SH3BGR: variants seen among roughly 807,000 people sequenced by gnomAD.
The protein encoded by SH3BGR is SH3 domain binding glutamate rich protein, also known as SH3 domain-binding glutamic acid-rich protein.
In SH3BGR, 29 loss-of-function variants were observed where a neutral mutation model predicts 24.5. The observed-to-expected ratio is 1.18, with a 90% CI of 0.88 to 1.61. SH3BGR has a LOEUF of 1.61. SH3BGR is among the 40% of genes most tolerant of loss of function. The pLI is 0.00. For missense variants in SH3BGR, 162 were observed against 205.8 expected (o/e 0.79, Z 1.30); for synonymous variants, 55 against 65.7 (o/e 0.84, Z 0.79).
chr21:39,478,330 C>T (rs1032859252), intron 3 of SH3BGR, among the ~76,000 whole-genome samples: 4 of 152,128 alleles, frequency 2.6e-5, no homozygotes, highest in Non-Finnish European at 5.9e-5. Flanking sequence ...ACCTCAGAAC[C>T]GGGAAGGTGC....
In SH3BGR at chr21:39,496,555, T is replaced by G. The variant is rs548262318; in HGVS notation, c.313-3268T>G. On this transcript the variant is annotated intron_variant, in intron 3 of 6. Transcript: ENST00000333634. ...TTATCTTTATTTGCATATGATATAA[T>G]TGCATGCCTAAAAATCTTTAAAATT... is the stretch of plus-strand genomic sequence containing the variant. Among the ~76,000 whole-genome samples, 4 of 151,436 alleles carry G rather than the reference T, an allele frequency of 2.6e-5. No homozygotes were observed. The East Asian group carries it at 7.7e-4, about 29-fold the overall frequency.
intron 3 of SH3BGR, among the ~76,000 whole-genome samples, chr21:39,480,633 A>G (rs1040634421): frequency 3.9e-5 from 6 of 152,232 alleles, no homozygotes; most frequent in African/African-American, 1.4e-4. Flanking sequence ...CGTTTTGGCT[A>G]TCATGAATAC....
At chr21:39,492,190 G>A (rs1201335867) in intron 3 of SH3BGR, among the ~76,000 whole-genome samples, 1 of 151,944 alleles carries the variant, frequency 6.6e-6, no homozygotes, top group Non-Finnish European at 1.5e-5. Context: ...CCCAAGCAGT[G>A]TACACTGCAC....
At position 39,491,812 on chromosome 21, in the gene SH3BGR, A is replaced by G. The variant is rs529004513; in HGVS notation, c.313-8011A>G. On this transcript the variant is annotated intron_variant, in intron 3 of 6. Transcript: ENST00000333634. ...TCTTAATGGCCTTGTTCTTGGGCAC[A>G]CATCAGGTATAGTTCGTGCAGCAAA... The G allele has an allele frequency of 3.0e-5, 6 of 198,036 alleles. No homozygotes were observed. In the East Asian group the frequency reaches 7.1e-4, roughly 23 times the overall value. The allele number at this position is 198,036 out of a possible 1,614,324, so 12.3% of individuals were successfully genotyped here.
intron 4 of SH3BGR, among the ~76,000 whole-genome samples, chr21:39,500,314 A>T (rs1239660238): frequency 6.6e-6 from 1 of 152,142 alleles, no homozygotes. Flanking sequence ...AAGGGAGTGC[A>T]GTATATCTGG....
At chr21:39,462,051 G>A (rs1052387824) in intron 1 of SH3BGR, among the ~76,000 whole-genome samples, 1 of 152,032 alleles carries the variant, frequency 6.6e-6, no homozygotes, top group African/African-American at 2.4e-5. Context: ...GTTTCACCAC[G>A]TTGGTCAAGC....
intron 5 of SH3BGR, among the ~76,000 whole-genome samples, chr21:39,510,478 C>CAT (rs2078667757): frequency 1.4e-5 from 2 of 147,452 alleles, no homozygotes. Context: ...CACACACACA[C>CAT]ACCCCATCAA....
At chr21:39,472,858 C>G (rs2077964282) in intron 2 of SH3BGR, among the ~76,000 whole-genome samples, 1 of 152,110 alleles carries the variant, frequency 6.6e-6, no homozygotes, top group Non-Finnish European at 1.5e-5. Flanking sequence ...CCCCTTTTTC[C>G]TCTTCAGTGT....
At chr21:39,476,464 A>G (rs140757396) in intron 3 of SH3BGR, among the ~76,000 whole-genome samples, 5 of 152,310 alleles carry the variant, frequency 3.3e-5, no homozygotes, top group Non-Finnish European at 5.9e-5. Flanking sequence ...CTATGCATAG[A>G]CAATTATTTT....
chr21:39,513,198 C>T (rs920559213), intron 6 of SH3BGR, among the ~76,000 whole-genome samples: 1 of 152,142 alleles, frequency 6.6e-6, no homozygotes, highest in Non-Finnish European at 1.5e-5. Context: ...TTTAAAATTA[C>T]AAGGCAGCAA....
chr21:39,469,220 C>A (rs111628052), intron 2 of SH3BGR, among the ~76,000 whole-genome samples: 1 of 151,042 alleles, frequency 6.6e-6, no homozygotes, highest in South Asian at 2.1e-4. Context: ...TCAACATCCC[C>A]CCAAGTTTTA....
At chr21:39,482,951 G>A (rs143132858) in intron 3 of SH3BGR, among the ~76,000 whole-genome samples, 80 of 152,340 alleles carry the variant, frequency 5.3e-4, no homozygotes, top group East Asian at 1.5e-3. Context: ...TTACAGGCAT[G>A]AGCCACTGCG....
chr21:39,483,200 C>T (rs2078158861), intron 3 of SH3BGR, among the ~76,000 whole-genome samples: 1 of 152,188 alleles, frequency 6.6e-6, no homozygotes, highest in African/African-American at 2.4e-5. Flanking sequence ...GGGAAAAAAA[C>T]AGACTTTAGA....
intron 2 of SH3BGR, among the ~76,000 whole-genome samples, chr21:39,472,385 C>T (rs2077955510): frequency 6.6e-6 from 1 of 152,088 alleles, no homozygotes; most frequent in Non-Finnish European, 1.5e-5. Flanking sequence ...GAGGGTGGTC[C>T]CCTTATGGCC....
chr21:39,486,571 C>G (rs1164796230), intron 3 of SH3BGR, among the ~76,000 whole-genome samples: 1 of 151,992 alleles, frequency 6.6e-6, no homozygotes, highest in Non-Finnish European at 1.5e-5. Context: ...GATGGGAATT[C>G]CCAATCGAAA....
chr21:39,498,513 G>T (rs2078435901), intron 3 of SH3BGR, among the ~76,000 whole-genome samples: 1 of 152,140 alleles, frequency 6.6e-6, no homozygotes, highest in Non-Finnish European at 1.5e-5. Flanking sequence ...GAAGATTAAG[G>T]ATGAAGAGAA....
At chr21:39,484,500 TTTATC>T (rs1466893273) in intron 3 of SH3BGR, among the ~76,000 whole-genome samples, 2 of 152,354 alleles carry the variant, frequency 1.3e-5, no homozygotes, top group Middle Eastern at 3.4e-3. Context: ...TCTGCTGTGT[TTTATC>T]TTATCTCATT....
chr21:39,515,231 G>A lies in SH3BGR; in HGVS notation c.*178G>A, dbSNP rs1010144679. On this transcript the variant is annotated 3_prime_UTR_variant, in exon 7 of 7. Transcript: ENST00000333634. ...TTAGATGTACATGGAGGTATCTCCC[G>A]AATCATACAAAATTAAATGTGAAGA... is the stretch of plus-strand genomic sequence containing the variant. The A allele has an allele frequency of 1.5e-5, 6 of 403,006 alleles. No individual in the cohort carries two copies. The highest frequency in any genetic ancestry group is 2.1e-5 in the Non-Finnish European group (4 of 194,896). The allele number at this position is 403,006 out of a possible 1,614,324, so 25.0% of individuals were successfully genotyped here. A position where few individuals can be genotyped will look rare whatever the true frequency, so the allele number is the denominator to read the frequency against.
At chr21:39,488,763 A>G in intron 3 of SH3BGR, 2 of 422,268 alleles carry the variant, frequency 4.7e-6, no homozygotes, top group South Asian at 4.0e-5. Flanking sequence ...ATGGTTGTCA[A>G]CTCTGAAGAG....
Sources: gnomAD v4.1 joint callset for allele counts (sites outside exome capture counted in the v4.1 genomes callset) on GRCh38, gnomAD v4.1.1 for gene constraint, MANE v1.5 for transcripts, NCBI Gene and HGNC (gene_info 2026-07-23, HGNC 2026-07-21) for gene names.